The following KSR2 variants were observed in gnomAD, a reference collection of about 807,000 sequenced individuals.
KSR2 encodes kinase suppressor of ras 2.
KSR2 carries 25 observed loss-of-function variants against 107.8 expected under a neutral mutation model. The ratio of observed to expected loss-of-function variants is 0.23; its 90% confidence interval spans 0.17 to 0.32. The LOEUF (loss-of-function observed/expected upper bound fraction) is 0.32, where lower values mean the gene tolerates loss of function less well. KSR2 is among the 10% of genes least tolerant of loss of function. The pLI is 1.00. For missense variants in KSR2, 887 were observed against 1,268.9 expected, an observed-to-expected ratio of 0.70 and a Z score of 4.57; for synonymous variants, 480 against 507.0, an observed-to-expected ratio of 0.95 and a Z score of 0.71.
chr12:117,798,947 C>T (rs563036364), intron 3 of KSR2, among the ~76,000 whole-genome samples: 3 of 152,214 alleles, frequency 2.0e-5, no homozygotes, highest in Admixed American at 2.0e-4. Context: ...CATGGGTGAA[C>T]CTTAACAACA....
At chr12:117,598,714 T>C (rs1355348971) in intron 5 of KSR2, among the ~76,000 whole-genome samples, 1 of 152,118 alleles carries the variant, frequency 6.6e-6, no homozygotes, top group Non-Finnish European at 1.5e-5. Context: ...CCCTGATAAT[T>C]AGTGATGTTG....
At chr12:117,559,243 A>G (rs1877940807) in intron 7 of KSR2, among the ~76,000 whole-genome samples, 1 of 152,188 alleles carries the variant, frequency 6.6e-6, no homozygotes, top group East Asian at 1.9e-4. Flanking sequence ...AGAGGCTTCT[A>G]GTATCCCACT....
At chr12:117,730,453 T>TCCCTCTCCCTCGTCTC (rs139287045) in intron 4 of KSR2, among the ~76,000 whole-genome samples, 12 of 149,352 alleles carry the variant, frequency 8.0e-5, no homozygotes, top group East Asian at 4.0e-4. Context: ...TTCCACAGTC[T>TCCCTCTCCCTCGTCTC]CCCTCTCCCT....
chr12:117,692,967 C>T (rs1468292186), intron 4 of KSR2, among the ~76,000 whole-genome samples: 1 of 152,132 alleles, frequency 6.6e-6, no homozygotes, highest in East Asian at 1.9e-4. Context: ...TATTCTGGAA[C>T]TATTTAGAGG....
At chr12:117,715,464 C>T (rs1056082293) in intron 4 of KSR2, among the ~76,000 whole-genome samples, 2 of 152,332 alleles carry the variant, frequency 1.3e-5, no homozygotes, top group South Asian at 2.1e-4. Context: ...TGGAGCAGAG[C>T]GCAAGGGAGA....
At chr12:117,742,552 A>ATGGATGGG (rs1565991455) in intron 4 of KSR2, among the ~76,000 whole-genome samples, 1 of 151,568 alleles carries the variant, frequency 6.6e-6, no homozygotes, top group African/African-American at 2.4e-5. Flanking sequence ...GGATGGATGG[A>ATGGATGGG]TGAATGGGCA....
At chr12:117,748,142 G>A (rs1464827657) in intron 4 of KSR2, among the ~76,000 whole-genome samples, 2 of 152,194 alleles carry the variant, frequency 1.3e-5, no homozygotes, top group Non-Finnish European at 2.9e-5. Context: ...AGGAAACCCT[G>A]TTATCTGTGA....
At chr12:117,511,911 C>T in intron 14 of KSR2, among the ~76,000 whole-genome samples, 1 of 152,006 alleles carries the variant, frequency 6.6e-6, no homozygotes, top group East Asian at 1.9e-4. Flanking sequence ...TTTTAGCTCT[C>T]TCCTTGCTGG....
intron 1 of KSR2, among the ~76,000 whole-genome samples, chr12:117,967,071 T>A (rs1896820254): frequency 6.6e-6 from 1 of 152,160 alleles, no homozygotes; most frequent in Non-Finnish European, 1.5e-5. Flanking sequence ...CCTTCAAACA[T>A]TTTGAACAAT....
At chr12:117,831,258 C>T (rs1891953053) in intron 3 of KSR2, among the ~76,000 whole-genome samples, 1 of 152,228 alleles carries the variant, frequency 6.6e-6, no homozygotes, top group South Asian at 2.1e-4. Context: ...TTAACTGATG[C>T]TATCTCTCCA....
At chr12:117,615,694 C>T (rs1881839510) in intron 5 of KSR2, among the ~76,000 whole-genome samples, 2 of 152,140 alleles carry the variant, frequency 1.3e-5, no homozygotes, top group African/African-American at 2.4e-5. Context: ...CTTTCGGCCT[C>T]GGTCAAGCCT....
chr12:117,726,289 G>T (rs1056782112), intron 4 of KSR2, among the ~76,000 whole-genome samples: 1 of 152,120 alleles, frequency 6.6e-6, no homozygotes, highest in Non-Finnish European at 1.5e-5. Context: ...GAAATGGCCA[G>T]TAAGTCCCAA....
At chr12:117,707,054 T>G (rs936658990) in intron 4 of KSR2, among the ~76,000 whole-genome samples, 2 of 152,252 alleles carry the variant, frequency 1.3e-5, no homozygotes, top group Admixed American at 6.5e-5. Context: ...AATGGAATAT[T>G]ATTCAGCCAT....
chr12:117,728,631 C>T (rs1361356531), intron 4 of KSR2, among the ~76,000 whole-genome samples: 1 of 152,160 alleles, frequency 6.6e-6, no homozygotes, highest in Non-Finnish European at 1.5e-5. Context: ...CTGTGTGTTC[C>T]CCCAGCGCTG....
At chr12:117,497,790 G>A (rs1394608299) in intron 14 of KSR2, among the ~76,000 whole-genome samples, 1 of 152,150 alleles carries the variant, frequency 6.6e-6, no homozygotes, top group Non-Finnish European at 1.5e-5. Context: ...AGTCTGAATC[G>A]AATTCATATT....
At chr12:117,784,067 A>G (rs1889976657) in intron 3 of KSR2, among the ~76,000 whole-genome samples, 1 of 152,172 alleles carries the variant, frequency 6.6e-6, no homozygotes, top group Non-Finnish European at 1.5e-5. Context: ...TTTGTTACGG[A>G]TTCATGGGTA....
chr12:117,724,312 CAAA>C (rs57095721), intron 4 of KSR2, among the ~76,000 whole-genome samples: 28 of 111,890 alleles, frequency 2.5e-4, no homozygotes, highest in Non-Finnish European at 2.0e-4. Flanking sequence ...CACCCTGTCT[CAAA>C]AAAAAAAAAA....
chr12:117,500,547 C>A (rs912662829), intron 14 of KSR2, among the ~76,000 whole-genome samples: 1 of 152,150 alleles, frequency 6.6e-6, no homozygotes, highest in Admixed American at 6.5e-5. Context: ...ATATATGAGA[C>A]AGAACTGGCA....
At chr12:117,473,291 G>A (rs150180863) in intron 17 of KSR2, among the ~76,000 whole-genome samples, 17 of 152,230 alleles carry the variant, frequency 1.1e-4, no homozygotes, top group Middle Eastern at 6.8e-3. Context: ...GCCTCATGCT[G>A]CCTGAATAAT....
Sources: allele counts gnomAD v4.1 joint callset (sites outside exome capture counted in the v4.1 genomes callset), GRCh38; gene constraint gnomAD v4.1.1; transcripts MANE v1.5; gene names NCBI Gene and HGNC (gene_info 2026-07-23, HGNC 2026-07-21).